The following NTM variants were observed in gnomAD, a reference collection of about 807,000 sequenced individuals.
The protein encoded by NTM is IgLON family member 2.
In NTM, 13 loss-of-function variants were observed where a neutral mutation model predicts 42.1. That is an observed-to-expected ratio of 0.31 (90% CI 0.20 to 0.49). The LOEUF is 0.49. NTM is among the 20% of genes least tolerant of loss of function. The pLI is 0.99. For synonymous variants in NTM, 187 were observed against 179.2 expected, an observed-to-expected ratio of 1.04 and a Z score of -0.35; for missense variants, 373 against 452.8, an observed-to-expected ratio of 0.82 and a Z score of 1.60.
At chr11:131,915,943 C>G (rs533547175) in intron 2 of NTM, among the ~76,000 whole-genome samples, 1 of 152,206 alleles carries the variant, frequency 6.6e-6, no homozygotes, top group South Asian at 2.1e-4. Context: ...GGTGGGGACA[C>G]AGCCAGACCA....
chr11:131,509,031 A>AT (rs1346580310), intron 1 of NTM, among the ~76,000 whole-genome samples: 1 of 150,928 alleles, frequency 6.6e-6, no homozygotes, highest in Non-Finnish European at 1.5e-5. Context: ...AACTTAAAGT[A>AT]TAATAATAAA....
intron 1 of NTM, among the ~76,000 whole-genome samples, chr11:131,568,095 A>G (rs2057075654): frequency 6.6e-6 from 1 of 152,232 alleles, no homozygotes; most frequent in South Asian, 2.1e-4. Context: ...CAGCCGAAGG[A>G]GGAAAATTCT....
chr11:132,292,417 C>T lies in NTM; in HGVS notation c.527-15272C>T, dbSNP rs184928395. 8.5e-5 allele frequency among the ~76,000 whole-genome samples: 13 copies of T among 152,260 alleles called. No homozygotes were observed. In the South Asian group the frequency reaches 1.7e-3, roughly 19 times the overall value. ...ATTCTCCCTCCTCCGGCCCCTCCCCCACCTCAGTGGAGCAGGAGACAGGAT... is the reference window on the plus strand; with the variant it reads ...ATTCTCCCTCCTCCGGCCCCTCCCCTACCTCAGTGGAGCAGGAGACAGGAT... On this transcript the variant is annotated intron_variant, in intron 4 of 8. Transcript: ENST00000683400.
intron 1 of NTM, among the ~76,000 whole-genome samples, chr11:131,799,511 GA>G (rs1185511459): frequency 6.6e-6 from 1 of 152,166 alleles, no homozygotes; most frequent in Non-Finnish European, 1.5e-5. Context: ...GTCTGGGTTG[GA>G]AAAGAGGGGA....
chr11:132,127,333 C>A (rs143732698), intron 2 of NTM, among the ~76,000 whole-genome samples: 113 of 152,268 alleles, frequency 7.4e-4, no homozygotes, highest in Admixed American at 2.0e-3. Context: ...CCAAATAGAC[C>A]TATTACATAA....
chr11:131,503,282 G>A (rs536139209), intron 1 of NTM, among the ~76,000 whole-genome samples: 1 of 152,176 alleles, frequency 6.6e-6, no homozygotes, highest in African/African-American at 2.4e-5. Flanking sequence ...AGGTAGACCA[G>A]CTTCACTCAG....
intron 3 of NTM, among the ~76,000 whole-genome samples, chr11:132,209,999 A>G (rs1017868759): frequency 3.9e-5 from 6 of 152,194 alleles, no homozygotes; most frequent in African/African-American, 1.4e-4. Flanking sequence ...ATCCAACACA[A>G]CTAGGAATGA....
chr11:132,182,355 C>G (rs1436619443), intron 3 of NTM, among the ~76,000 whole-genome samples: 2 of 152,184 alleles, frequency 1.3e-5, no homozygotes, highest in Non-Finnish European at 1.5e-5. Flanking sequence ...GTTGCATGCT[C>G]CAGTGTCTGA....
intron 1 of NTM, among the ~76,000 whole-genome samples, chr11:131,737,540 C>T (rs1417735121): frequency 1.3e-5 from 2 of 152,106 alleles, no homozygotes; most frequent in East Asian, 1.9e-4. Context: ...ATTTCATTTG[C>T]CCTCCAGAAC....
At chr11:131,435,552 A>G (rs1949052948) in intron 1 of NTM, among the ~76,000 whole-genome samples, 1 of 152,162 alleles carries the variant, frequency 6.6e-6, no homozygotes, top group Non-Finnish European at 1.5e-5. Context: ...CTTTGTAGCA[A>G]TTCTGAATGG....
At chr11:131,895,663 C>A (rs1366313705) in intron 1 of NTM, among the ~76,000 whole-genome samples, 1 of 151,678 alleles carries the variant, frequency 6.6e-6, no homozygotes, top group African/African-American at 2.4e-5. Flanking sequence ...TATTATTTCA[C>A]ATTATATATG....
intron 1 of NTM, among the ~76,000 whole-genome samples, chr11:131,778,475 T>C (rs1226101222): frequency 6.6e-6 from 1 of 152,200 alleles, no homozygotes; most frequent in East Asian, 1.9e-4. Context: ...CCTGAGGATT[T>C]TTTGCTTGCT....
At chr11:131,817,979 A>G (rs1405103394) in intron 1 of NTM, among the ~76,000 whole-genome samples, 2 of 152,162 alleles carry the variant, frequency 1.3e-5, no homozygotes, top group African/African-American at 4.8e-5. Flanking sequence ...TTTATTCCAA[A>G]CAGATTTTTC....
At chr11:131,824,015 C>A (rs554154638) in intron 1 of NTM, among the ~76,000 whole-genome samples, 1 of 152,226 alleles carries the variant, frequency 6.6e-6, no homozygotes, top group Admixed American at 6.5e-5. Context: ...GGGTTACAAA[C>A]ATCTAAGGGA....
At chr11:132,123,371 T>A (rs1356032272) in intron 2 of NTM, among the ~76,000 whole-genome samples, 1 of 152,116 alleles carries the variant, frequency 6.6e-6, no homozygotes, top group African/African-American at 2.4e-5. Flanking sequence ...CAGAAAGGTA[T>A]TCATGGAGGC....
At chr11:132,183,596 A>G (rs1301704444) in intron 3 of NTM, among the ~76,000 whole-genome samples, 3 of 151,522 alleles carry the variant, frequency 2.0e-5, no homozygotes, top group African/African-American at 2.4e-5. Flanking sequence ...AGAAATCGCT[A>G]CTCCCTTTGA....
chr11:132,282,044 T>G (rs1375870678), intron 4 of NTM, among the ~76,000 whole-genome samples: 12 of 152,232 alleles, frequency 7.9e-5, no homozygotes. Flanking sequence ...CAGGCCTTTA[T>G]GTAACTAGTT....
chr11:132,307,927 G>A, intron 5 of NTM, 104 bp downstream of exon 5: 9 of 1,111,908 alleles, frequency 8.1e-6, no homozygotes, highest in Non-Finnish European at 1.0e-5. Context: ...GACTTAGGGT[G>A]GGAAGAATGC....
At chr11:131,836,317 CT>C (rs2043486650) in intron 1 of NTM, among the ~76,000 whole-genome samples, 1 of 152,190 alleles carries the variant, frequency 6.6e-6, no homozygotes, top group South Asian at 2.1e-4. Context: ...TCGAGAGCTT[CT>C]CCAAGCCAGA....
Sources: gnomAD v4.1 joint callset for allele counts (sites outside exome capture counted in the v4.1 genomes callset) on GRCh38, gnomAD v4.1.1 for gene constraint, MANE v1.5 for transcripts, NCBI Gene and HGNC (gene_info 2026-07-23, HGNC 2026-07-21) for gene names.